Variants in CFAP45 observed in about 807,000 individuals in gnomAD.
CFAP45 encodes the protein cilia- and flagella-associated protein 45.
A neutral mutation model predicts 75.6 loss-of-function variants in CFAP45; 43 were observed. That is an observed-to-expected ratio of 0.57 (90% confidence interval 0.45 to 0.73). The LOEUF is 0.73. Among genes scored for constraint, CFAP45 ranks in the 30% least tolerant of loss-of-function variants. The pLI is 0.00. For missense variants in CFAP45, 689 were observed against 701.5 expected (o/e 0.98, Z 0.20); for synonymous variants, 223 against 244.6 (o/e 0.91, Z 0.82).
rs1041821151 is a variant in CFAP45, at chr1:159,873,232, G to A, written c.1353-64C>T. ...GCTGGCCCAGGCCAGGAAAGGTGGT[G>A]GGGGAGCCTCCTGGGTGGGCTCCTT... On this transcript the variant is annotated intron_variant, in intron 10 of 11. Coordinates refer to ENST00000368099, the MANE Select transcript of CFAP45 (RefSeq NM_012337.3). The A allele has an allele frequency of 4.9e-6, 7 of 1,437,066 alleles. No individual in the cohort carries two copies. In the East Asian group the frequency reaches 1.2e-4, roughly 24 times the overall value. 89.0% of individuals were successfully genotyped at this position (1,437,066 alleles called of 1,614,324 possible). A position where few individuals can be genotyped will look rare whatever the true frequency, so the allele number is the denominator to read the frequency against.
At chr1:159,876,322 A>G in intron 10 of CFAP45, 1 of 581,352 alleles carries the variant, frequency 1.7e-6, no homozygotes, top group Non-Finnish European at 3.1e-6. Flanking sequence ...AATCCCAGTC[A>G]TCACCAATTC....
Position 159,876,739 on chromosome 1 carries a change from C to A in CFAP45, c.1169G>T (p.Arg390Leu). 1 of 1,614,134 alleles carries A rather than the reference C, an allele frequency of 6.2e-7. No homozygotes were observed. The highest frequency in any genetic ancestry group is 1.1e-5 in the South Asian group (1 of 91,084). Residue 390 changes from arginine (R) to leucine (L), a missense_variant, in exon 10 of 12, where the codon CGG becomes CTG. Physicochemically the swap from Arg to Leu is moderately radical, Grantham distance 102. Coordinates refer to ENST00000368099, the MANE Select transcript of CFAP45 (RefSeq NM_012337.3). ...QDYQAEQDALRAKRNQEVADR... is the reference protein window; with the variant it reads ...QDYQAEQDALLAKRNQEVADR... ...TGCAACCTCCTGGTTGCGCTTGGCC[C>A]GCAAGGCATCCTGGGAATGTTGGCA...
At chr1:159,890,136 A>T (rs1441577878) in intron 3 of CFAP45, among the ~76,000 whole-genome samples, 1 of 152,174 alleles carries the variant, frequency 6.6e-6, no homozygotes, top group Non-Finnish European at 1.5e-5. Flanking sequence ...ACTCATCTGG[A>T]TCACTTCCCT....
intron 3 of CFAP45, among the ~76,000 whole-genome samples, chr1:159,889,469 A>AC (rs1649775674): frequency 6.6e-6 from 1 of 152,182 alleles, no homozygotes; most frequent in Admixed American, 6.5e-5. Flanking sequence ...CTTAGCCAAG[A>AC]TCTTGTGTTT....
intron 6 of CFAP45, among the ~76,000 whole-genome samples, 153 bp downstream of exon 6, chr1:159,886,358 C>A (rs1337808535): frequency 6.6e-6 from 1 of 151,746 alleles, no homozygotes; most frequent in African/African-American, 2.4e-5. Context: ...AAAAAAAGTT[C>A]TGTGATTCTA....
chr1:159,891,261 C>G (rs976220258), intron 2 of CFAP45, among the ~76,000 whole-genome samples: 28 of 152,332 alleles, frequency 1.8e-4, no homozygotes, highest in South Asian at 1.2e-3. Flanking sequence ...AATTATCTCT[C>G]TAGGACCACA....
intron 6 of CFAP45, among the ~76,000 whole-genome samples, chr1:159,885,940 A>C (rs760841480): frequency 1.1e-4 from 16 of 152,312 alleles, no homozygotes; most frequent in Admixed American, 3.9e-4. Flanking sequence ...AAGGCCTGGC[A>C]TGTTGGGGGC....
At chr1:159,872,705 C>A in intron 11 of CFAP45, 142 bp from the exon 12 acceptor site, 1 of 814,664 alleles carries the variant, frequency 1.2e-6, no homozygotes. Context: ...CCGAAACACA[C>A]ATTCATGCCA....
At chr1:159,878,998 G>A (rs1195654806) in intron 8 of CFAP45, among the ~76,000 whole-genome samples, 1 of 152,098 alleles carries the variant, frequency 6.6e-6, no homozygotes, top group African/African-American at 2.4e-5. Flanking sequence ...AGGTCGGTAA[G>A]GGCTTGTGAT....
intron 5 of CFAP45, among the ~76,000 whole-genome samples, chr1:159,886,965 G>A (rs1649703155): frequency 6.6e-6 from 1 of 152,136 alleles, no homozygotes; most frequent in South Asian, 2.1e-4. Flanking sequence ...TGGTGGTAAT[G>A]GGTCACCCTT....
rs1473505321 is a variant in CFAP45 at position 159,873,164 on chromosome 1, G to C, written c.1357C>G (p.Gln453Glu). The change falls in exon 11 of 12, where the codon CAG becomes GAG. Residue 453 changes from glutamine to glutamate, a missense_variant. Physicochemically the swap from Gln to Glu is conservative, Grantham distance 29. Coordinates refer to ENST00000368099, the MANE Select transcript of CFAP45 (RefSeq NM_012337.3). Reference sequence around the variant, plus strand: ...CGCTCCTTCTCAATCTGTTCTCTCTGAGCCCTGGGGGAGGGAAACAGGAAT... The same window carrying C: ...CGCTCCTTCTCAATCTGTTCTCTCTCAGCCCTGGGGGAGGGAAACAGGAAT... ...RDEFERILRA[Q>E]REQIEKERLE... 6.2e-7 allele frequency: 1 copy of C among 1,613,310 alleles called. No individual in the cohort carries two copies. Among genetic ancestry groups the C allele is most frequent in the Non-Finnish European group, 8.5e-7 (1 of 1,179,748 alleles).
At chr1:159,874,002 C>G (rs1165779515) in intron 10 of CFAP45, among the ~76,000 whole-genome samples, 1 of 151,816 alleles carries the variant, frequency 6.6e-6, no homozygotes, top group Non-Finnish European at 1.5e-5. Context: ...GCTCAGTTCT[C>G]TTCCTGATCC....
chr1:159,900,115 CCT>C lies in CFAP45; in HGVS notation c.-19_-18del. On this transcript the variant is annotated 5_prime_UTR_variant, in exon 1 of 12. Transcript: ENST00000368099. ...CCTCACCATCTCCTCAGCCACACGC[CCT>C]GACTCCGGACTTCTGCTGCCGCCTC... is the stretch of plus-strand genomic sequence containing the variant. The C allele has an allele frequency of 6.2e-7, 1 of 1,614,178 alleles. No individual in the cohort carries two copies. The highest frequency in any genetic ancestry group is 8.5e-7 in the Non-Finnish European group (1 of 1,180,000).
intron 10 of CFAP45, among the ~76,000 whole-genome samples, chr1:159,873,820 A>T (rs1243775233): frequency 3.5e-5 from 2 of 56,470 alleles, no homozygotes; most frequent in African/African-American, 8.4e-5. Flanking sequence ...TTATCCTGAG[A>T]TTTCTTCTCC....
chr1:159,877,782 T>A (rs1169299816), intron 8 of CFAP45, among the ~76,000 whole-genome samples: 1 of 151,862 alleles, frequency 6.6e-6, no homozygotes, highest in Non-Finnish European at 1.5e-5. Flanking sequence ...GAAGCTGAGA[T>A]AGGAGGACTG....
intron 6 of CFAP45, 122 bp from the exon 7 acceptor site, chr1:159,884,687 CT>C (rs1173515331): frequency 1.2e-5 from 12 of 1,009,606 alleles, no homozygotes; most frequent in Non-Finnish European, 1.7e-5. Flanking sequence ...CAAGTGCCCC[CT>C]AAACATGAAT....
rs771683530 is a variant in CFAP45 at position 159,888,484 on chromosome 1, C to T, written c.285G>A (p.Glu95=). The T allele has an allele frequency of 1.3e-6, 2 of 1,587,782 alleles. No homozygotes were observed. The highest frequency in any genetic ancestry group is 1.7e-6 in the Non-Finnish European group (2 of 1,157,642). Residue 95 remains glutamate (E), a synonymous_variant, in exon 4 of 12, where the codon GAG becomes GAA. Transcript: ENST00000368099. ...DMVRELIVPT[E]DPSGESLIIS... is the part of the protein sequence containing the mutation. ...TGATTAGGGACTCCCCGGAGGGATCCTCTGTGGGAACACTGTCACAAGAAT... is the reference window on the plus strand; with the variant it reads ...TGATTAGGGACTCCCCGGAGGGATCTTCTGTGGGAACACTGTCACAAGAAT...
chr1:159,892,705 C>T (rs1055869677), intron 2 of CFAP45, among the ~76,000 whole-genome samples: 4 of 152,218 alleles, frequency 2.6e-5, no homozygotes, highest in African/African-American at 4.8e-5. Flanking sequence ...CTAGATAACA[C>T]TTGCAAATAA....
intron 8 of CFAP45, among the ~76,000 whole-genome samples, chr1:159,878,238 G>A (rs976164698): frequency 3.9e-5 from 6 of 152,212 alleles, no homozygotes; most frequent in African/African-American, 1.2e-4. Flanking sequence ...TACAGCAGGT[G>A]GAGGTTATCT....
Sources: gnomAD v4.1 joint callset for allele counts (sites outside exome capture counted in the v4.1 genomes callset) on GRCh38, gnomAD v4.1.1 for gene constraint, MANE v1.5 for transcripts, NCBI Gene and HGNC (gene_info 2026-07-23, HGNC 2026-07-21) for gene names.